Variants in AATK observed in about 807,000 individuals in gnomAD.
AATK encodes the protein serine/threonine-protein kinase LMTK1.
AATK carries 91 observed loss-of-function variants against 114.3 expected under a neutral mutation model. The observed-to-expected ratio is 0.80, with a 90% CI of 0.67 to 0.95. AATK has a LOEUF of 0.95. Among genes scored for constraint, AATK ranks in the 40% least tolerant of loss-of-function variants. The pLI is 0.00. For synonymous variants in AATK, 1,075 were observed against 916.5 expected (o/e 1.17, Z -3.12); for missense variants, 2,176 against 1,965.2 (o/e 1.11, Z -2.03).
chr17:81,128,945 C>G, intron 3 of AATK: 1 of 1,086,662 alleles, frequency 9.2e-7, no homozygotes, highest in Non-Finnish European at 1.1e-6. Flanking sequence ...CACCCCCACC[C>G]TGCCGCAGGC....
rs568363754 is a variant in AATK at position 81,127,070 on chromosome 17, G to C, written c.622-510C>G. Among the ~76,000 whole-genome samples, 70 of 144,058 alleles carry C rather than the reference G, an allele frequency of 4.9e-4. 3 individuals are homozygous for C. In the East Asian group the frequency reaches 0.015, roughly 31 times the overall value. 94.5% of individuals were successfully genotyped at this position (144,058 alleles called of 152,430 possible). A position where few individuals can be genotyped will look rare whatever the true frequency, so the allele number is the denominator to read the frequency against. On this transcript the variant is annotated intron_variant, in intron 6 of 13. Coordinates refer to ENST00000326724, the MANE Select transcript of AATK (RefSeq NM_001080395.3). ...TGGAAGGGGGTGGGGGGCAGGTCTC[G>C]GGGGAGGGGGAGACGGGTCCCCGGG...
intron 1 of AATK, among the ~76,000 whole-genome samples, chr17:81,144,237 C>A (rs1192236989): frequency 6.6e-6 from 1 of 152,214 alleles, no homozygotes; most frequent in Non-Finnish European, 1.5e-5. Flanking sequence ...CCCAAAAATG[C>A]CCCCAAAATG....
chr17:81,131,214 C>G lies in AATK; in HGVS notation c.190-9G>C, dbSNP rs377346698. The G allele has an allele frequency of 6.4e-7, 1 of 1,567,648 alleles. No individual in the cohort carries two copies. The highest frequency in any genetic ancestry group is 2.3e-5 in the East Asian group (1 of 42,944). ...TCCGCATTCTCAAACTCCTGCGGGC[C>G]GGGCCGGGCATGAGCGGGGCTTCTC... On this transcript the variant is annotated splice_polypyrimidine_tract_variant and intron_variant, in intron 2 of 13. Transcript: ENST00000326724.
intron 1 of AATK, among the ~76,000 whole-genome samples, chr17:81,156,862 C>T (rs575681630): frequency 2.0e-5 from 3 of 152,324 alleles, no homozygotes; most frequent in South Asian, 2.1e-4. Context: ...GACCCCTCCT[C>T]GGCCCTGATC....
intron 1 of AATK, among the ~76,000 whole-genome samples, chr17:81,151,282 ACCTGTCTCCCCCACCGACCCCT>A (rs2061291529): frequency 1.4e-5 from 1 of 70,514 alleles, no homozygotes; most frequent in African/African-American, 5.3e-5. Context: ...GCCCAGCCCC[ACCTGTCTCCCCCACCGACCCCT>A]CCTGTCTCCC....
intron 1 of AATK, 133 bp from the exon 2 acceptor site, chr17:81,134,634 C>A: frequency 8.6e-7 from 1 of 1,166,682 alleles, no homozygotes; most frequent in Non-Finnish European, 1.2e-6. Flanking sequence ...ACCTCTCACC[C>A]CAGACCCCAC....
chr17:81,140,677 ATGGGGCCG>A (rs1391191546), intron 1 of AATK, among the ~76,000 whole-genome samples: 1 of 107,944 alleles, frequency 9.3e-6, no homozygotes, highest in Non-Finnish European at 1.9e-5. Context: ...CGTGGGGACC[ATGGGGCCG>A]TGGGGCCGTT....
intron 1 of AATK, among the ~76,000 whole-genome samples, chr17:81,151,259 G>A (rs2146391569): frequency 6.7e-6 from 1 of 148,674 alleles, no homozygotes; most frequent in East Asian, 2.0e-4. Flanking sequence ...AGCCCCACCT[G>A]CACAGAACCC....
In AATK at chr17:81,126,280, C is replaced by T. The variant is rs949193485; in HGVS notation, c.755+147G>A. On this transcript the variant is annotated intron_variant, in intron 7 of 13. Transcript: ENST00000326724. This position sits in a 1 kb window ranked among gnomAD's most constrained non-coding sequence, Gnocchi z 5.1. ...AATTTTTCAAAAACGTCATAAAATC[C>T]CTCTGCATAGTGGTTGTCTGATGCT... 9.2e-7 allele frequency: 1 copy of T among 1,091,094 alleles called. No homozygotes were observed. Among genetic ancestry groups the T allele is most frequent in the Non-Finnish European group, 1.3e-6 (1 of 783,700 alleles). The allele number at this position is 1,091,094 out of a possible 1,614,324, so 67.6% of individuals were successfully genotyped here. A position where few individuals can be genotyped will look rare whatever the true frequency, so the allele number is the denominator to read the frequency against.
intron 3 of AATK, among the ~76,000 whole-genome samples, chr17:81,130,822 C>A (rs2146324590): frequency 6.6e-6 from 1 of 152,326 alleles, no homozygotes. Context: ...ACCCTGCCAA[C>A]CCCTGGCCGG....
rs2060717352 is a variant in AATK, at chr17:81,122,843, G to A, written c.1113-20C>T. 4.1e-6 allele frequency: 6 copies of A among 1,456,178 alleles called. No individual in the cohort carries two copies. The highest frequency in any genetic ancestry group is 4.6e-6 in the Non-Finnish European group (5 of 1,097,308). 90.2% of individuals were successfully genotyped at this position (1,456,178 alleles called of 1,614,324 possible). Reference sequence around the variant, plus strand: ...TCGTACCTGCGAGGAGGTCCCCCGGGGGCCACGTCAGAGGCAACGCTGGCC... The same window carrying A: ...TCGTACCTGCGAGGAGGTCCCCCGGAGGCCACGTCAGAGGCAACGCTGGCC... On this transcript the variant is annotated intron_variant, in intron 10 of 13. Transcript: ENST00000326724.
chr17:81,142,533 T>C (rs1213225314), intron 1 of AATK, among the ~76,000 whole-genome samples: 1 of 152,158 alleles, frequency 6.6e-6, no homozygotes. Flanking sequence ...TGGCCTCCAG[T>C]TTCAAAGTTA....
intron 4 of AATK, among the ~76,000 whole-genome samples, chr17:81,128,191 G>A (rs890493873): frequency 6.7e-4 from 102 of 152,248 alleles, no homozygotes; most frequent in African/African-American, 2.4e-3. Flanking sequence ...GAGGGACCCA[G>A]GTGTCTCGTT....
chr17:81,155,392 TA>T lies in AATK; in HGVS notation c.55+10545del, dbSNP rs369881836. On this transcript the variant is annotated intron_variant, in intron 1 of 13. Coordinates refer to ENST00000326724, the MANE Select transcript of AATK (RefSeq NM_001080395.3). Reference sequence around the variant, plus strand: ...AATACATTTTACCTATTATTATTATTATTATTATTTTTTGAGACGCAGTCTC... The same window carrying T: ...AATACATTTTACCTATTATTATTATTTTATTATTTTTTGAGACGCAGTCTC... Among the ~76,000 whole-genome samples, 730 of 73,050 alleles carry T rather than the reference TA, an allele frequency of 1.0e-2. 3 individuals are homozygous for T. Among genetic ancestry groups the T allele is most frequent in the African/African-American group, 9.9e-3 (136 of 13,774 alleles). 47.9% of individuals were successfully genotyped at this position (73,050 alleles called of 152,430 possible).
intron 2 of AATK, among the ~76,000 whole-genome samples, chr17:81,131,438 T>C (rs890737728): frequency 6.6e-6 from 1 of 152,162 alleles, no homozygotes; most frequent in Non-Finnish European, 1.5e-5. Flanking sequence ...GAGGCTCAGT[T>C]GTTCCATGAG....
chr17:81,120,759 C>CA lies in AATK; in HGVS notation c.3176dup (p.Leu1060AlafsTer4). 6.4e-7 allele frequency: 1 copy of CA among 1,574,612 alleles called. No individual in the cohort carries two copies. Among genetic ancestry groups the CA allele is most frequent in the Non-Finnish European group, 8.6e-7 (1 of 1,160,670 alleles). On this transcript the variant is annotated frameshift_variant, in exon 11 of 14. Coordinates refer to ENST00000326724, the MANE Select transcript of AATK (RefSeq NM_001080395.3). LOFTEE classifies it high-confidence loss of function. ...CTGGGGAGGACCCTTCAAGCTGCAGCAGTGGGGGCAGCACCTCCCCGGGGC... is the reference window on the plus strand; with the variant it reads ...CTGGGGAGGACCCTTCAAGCTGCAGCAAGTGGGGGCAGCACCTCCCCGGGGC...
At position 81,120,467 on chromosome 17, in the gene AATK, G is replaced by C; in HGVS notation, c.3469C>G (p.Arg1157Gly). ...CTGTCCTCCTCCTCCTCCTCCGGCC[G>C]GCCCTCCAAGGCCGCAGGGAGGCCG... The part of the protein sequence containing the change: ...LPGLPAALEG[R>G]PEEEEEDSED... Residue 1157 changes from arginine to glycine, a missense_variant, in exon 11 of 14, where the codon CGG becomes GGG. Arg to Gly is a moderately radical substitution (Grantham distance 125). Coordinates refer to ENST00000326724, the MANE Select transcript of AATK (RefSeq NM_001080395.3). 6.5e-7 allele frequency: 1 copy of C among 1,530,246 alleles called. No individual in the cohort carries two copies. The highest frequency in any genetic ancestry group is 8.8e-7 in the Non-Finnish European group (1 of 1,134,514). The allele number at this position is 1,530,246 out of a possible 1,614,324, so 94.8% of individuals were successfully genotyped here. A position where few individuals can be genotyped will look rare whatever the true frequency, so the allele number is the denominator to read the frequency against.
At chr17:81,165,886 G>T in intron 1 of AATK, 52 bp downstream of exon 1, 24 of 1,551,578 alleles carry the variant, frequency 1.5e-5, no homozygotes, top group Non-Finnish European at 2.1e-5. Flanking sequence ...GGGGCATCAC[G>T]TCCGCAGCGG....
rs184707658 is a variant in AATK, at chr17:81,158,217, C to T, written c.55+7721G>A. ...GCAGCAGCCAAGCATCTCGCCAGAC[C>T]CCGCGGCAGAGAGCAGGGCGGGGCC... On this transcript the variant is annotated intron_variant, in intron 1 of 13. Coordinates refer to ENST00000326724, the MANE Select transcript of AATK (RefSeq NM_001080395.3). Among the ~76,000 whole-genome samples the T allele has an allele frequency of 1.1e-3, 162 of 152,342 alleles. 1 individual carries two copies. In the East Asian group the frequency reaches 0.025, roughly 24 times the overall value.
Sources: allele counts gnomAD v4.1 joint callset (sites outside exome capture counted in the v4.1 genomes callset), GRCh38; gene constraint gnomAD v4.1.1; non-coding constraint Gnocchi (gnomAD v3.1); transcripts MANE v1.5; gene names NCBI Gene and HGNC (gene_info 2026-07-23, HGNC 2026-07-21).